SLC39A10: variants seen among roughly 807,000 people sequenced by gnomAD.
The protein encoded by SLC39A10 is zinc transporter ZIP10.
SLC39A10 carries 13 observed loss-of-function variants against 65.1 expected under a neutral mutation model. That is an observed-to-expected ratio of 0.20 (90% CI 0.13 to 0.32). The LOEUF (loss-of-function observed/expected upper bound fraction) is 0.32, where lower values mean the gene tolerates loss of function less well. Ranked by LOEUF, SLC39A10 falls within the 10% of genes least tolerant of loss-of-function variation. The pLI, the probability that SLC39A10 is intolerant of heterozygous loss-of-function variation, is 1.00. For missense variants in SLC39A10, 831 were observed against 1,018.4 expected, an observed-to-expected ratio of 0.82 and a Z score of 2.50; for synonymous variants, 321 against 342.2, an observed-to-expected ratio of 0.94 and a Z score of 0.68.
In SLC39A10 at chr2:195,680,838, G is replaced by T. The variant is rs1249527645; in HGVS notation, c.796G>T (p.Val266Phe). ...DQGEQYEHNR[V>F]HKPDRVHNPG... Reference sequence around the variant, plus strand: ...GGGTGAACAGTATGAGCATAATCGGGTCCACAAACCTGATCGTGTACATAA... The same window carrying T: ...GGGTGAACAGTATGAGCATAATCGGTTCCACAAACCTGATCGTGTACATAA... Residue 266 changes from valine (V) to phenylalanine (F), a missense_variant, in exon 2 of 10, where the codon GTC becomes TTC. Val to Phe is a conservative substitution (Grantham distance 50, BLOSUM62 -1). Around this residue, in one of 4 missense-constraint regions of SLC39A10, gnomAD observed 446 missense variants for 499.2 expected, o/e 0.89. Coordinates refer to ENST00000359634, the MANE Select transcript of SLC39A10 (RefSeq NM_020342.3). 6.2e-7 allele frequency: 1 copy of T among 1,614,072 alleles called. No homozygotes were observed. Among genetic ancestry groups the T allele is most frequent in the Admixed American group, 1.7e-5 (1 of 60,002 alleles).
intron 2 of SLC39A10, among the ~76,000 whole-genome samples, chr2:195,650,686 A>G (rs180836410): frequency 3.3e-5 from 5 of 152,166 alleles, no homozygotes; most frequent in Non-Finnish European, 5.9e-5. Flanking sequence ...TTTTGTGTCA[A>G]TTGTTTCATT....
intron 2 of SLC39A10, among the ~76,000 whole-genome samples, chr2:195,641,050 G>C (rs970601467): frequency 6.6e-6 from 1 of 152,184 alleles, no homozygotes; most frequent in Admixed American, 6.6e-5. Flanking sequence ...ATTGAACAAG[G>C]AACAGTCCCT....
intron 2 of SLC39A10, among the ~76,000 whole-genome samples, chr2:195,613,316 T>C (rs1688139040): frequency 6.6e-6 from 1 of 152,222 alleles, no homozygotes; most frequent in Non-Finnish European, 1.5e-5. Context: ...TTGTCATGTC[T>C]GTGTGCCTTG....
intron 2 of SLC39A10, among the ~76,000 whole-genome samples, chr2:195,619,007 C>T (rs903061066): frequency 5.5e-5 from 8 of 146,278 alleles, no homozygotes; most frequent in South Asian, 4.4e-4. Context: ...GCAGGAGAAT[C>T]GCTTGAACCC....
intron 3 of SLC39A10, among the ~76,000 whole-genome samples, chr2:195,705,537 T>A (rs1434576653): frequency 2.0e-5 from 3 of 152,210 alleles, no homozygotes; most frequent in African/African-American, 7.2e-5. Flanking sequence ...TCTTTACTTT[T>A]CCTTGTTGTT....
intron 1 of SLC39A10, among the ~76,000 whole-genome samples, chr2:195,659,155 G>A (rs1194260998): frequency 6.6e-6 from 1 of 152,056 alleles, no homozygotes; most frequent in Non-Finnish European, 1.5e-5. Context: ...TTTTTTACCT[G>A]TCCATATTTA....
At chr2:195,706,900 T>G in intron 4 of SLC39A10, 115 bp downstream of exon 4, 1 of 683,502 alleles carries the variant, frequency 1.5e-6, no homozygotes, top group Non-Finnish European at 2.1e-6. Flanking sequence ...TTTTATTTGC[T>G]TATAGGATGA....
At position 195,735,965 on chromosome 2, in the gene SLC39A10, G is replaced by A. The variant is rs564415325; in HGVS notation, c.*924G>A. ...AGTACCAACTAGTTAATTGGGAAAT[G>A]TAAGTTCTGAATGTTCACATTGCTT... On this transcript the variant is annotated 3_prime_UTR_variant, in exon 10 of 10. Coordinates refer to ENST00000359634, the MANE Select transcript of SLC39A10 (RefSeq NM_020342.3). 6.6e-6 allele frequency: 1 copy of A among 152,390 alleles called. No individual in the cohort carries two copies. The highest frequency in any genetic ancestry group is 2.4e-5 in the African/African-American group (1 of 41,538). 9.4% of individuals were successfully genotyped at this position (152,390 alleles called of 1,614,324 possible).
In SLC39A10 at chr2:195,728,101, C is replaced by A; in HGVS notation, c.2147-58C>A. ...GCTGATTTTATTTGTTTTCTCCTTTCAGATTTGTGTTTTAAATCCTGTGGT... is the reference window on the plus strand; with the variant it reads ...GCTGATTTTATTTGTTTTCTCCTTTAAGATTTGTGTTTTAAATCCTGTGGT... On this transcript the variant is annotated intron_variant, in intron 8 of 9. Coordinates refer to ENST00000359634, the MANE Select transcript of SLC39A10 (RefSeq NM_020342.3). The surrounding 1 kb of genome is among the most constrained non-coding windows in gnomAD (Gnocchi z 4.4). 1 of 1,467,404 alleles carries A rather than the reference C, an allele frequency of 6.8e-7. No individual in the cohort carries two copies. The highest frequency in any genetic ancestry group is 9.3e-7 in the Non-Finnish European group (1 of 1,071,848). 90.9% of individuals were successfully genotyped at this position (1,467,404 alleles called of 1,614,324 possible).
At chr2:195,654,884 A>T (rs1689114695), upstream of SLC39A10, among the ~76,000 whole-genome samples, 1 of 47,312 alleles carries the variant, frequency 2.1e-5, no homozygotes, top group African/African-American at 8.8e-5. Flanking sequence ...GAAAAGTAAT[A>T]TGCTAGTATG....
At chr2:195,665,709 T>C (rs1689609452) in intron 1 of SLC39A10, among the ~76,000 whole-genome samples, 1 of 152,214 alleles carries the variant, frequency 6.6e-6, no homozygotes, top group Non-Finnish European at 1.5e-5. Context: ...ATATTCTGCC[T>C]AGAGAGATAA....
Position 195,680,931 on chromosome 2 carries a change from C to G in SLC39A10, c.889C>G (p.Leu297Val). The change falls in exon 2 of 10, where the codon CTT (leucine) becomes GTT (valine). Residue 297 changes from leucine to valine, a missense_variant. Physicochemically the swap from Leu to Val is conservative, Grantham distance 32. Around this residue, in one of 4 missense-constraint regions of SLC39A10, gnomAD observed 446 missense variants for 499.2 expected, o/e 0.89. Coordinates refer to ENST00000359634, the MANE Select transcript of SLC39A10 (RefSeq NM_020342.3). ...TGATCCTGGTCGTGGACACCAAGAT[C>G]TTGATCCTGATAATGAAGGTGAACT... The part of the protein sequence containing the change: ...GHDPGRGHQD[L>V]DPDNEGELRH... 1.2e-6 allele frequency: 2 copies of G among 1,614,082 alleles called. No individual in the cohort carries two copies. The highest frequency in any genetic ancestry group is 1.7e-6 in the Non-Finnish European group (2 of 1,180,010).
At chr2:195,632,175 G>A (rs773415043) in intron 2 of SLC39A10, among the ~76,000 whole-genome samples, 17 of 151,176 alleles carry the variant, frequency 1.1e-4, no homozygotes, top group Non-Finnish European at 2.4e-4. Context: ...TTATAAGCAT[G>A]AGCCACCACA....
rs149086362 is a variant in SLC39A10 at position 195,706,773 on chromosome 2, T to C, written c.1374T>C (p.His458=). ...CAATGAGTGGAGACGCCCTTCTTCA[T>C]CTACTGCCCCATGTAAGAAATGTTT... ...VGTMSGDALL[H]LLPHSQGGHD... Residue 458 remains histidine, a synonymous_variant, in exon 4 of 10, where the codon CAT becomes CAC. Transcript: ENST00000359634. 1.3e-4 allele frequency: 197 copies of C among 1,535,256 alleles called. No homozygotes were observed. Among genetic ancestry groups the C allele is most frequent in the Non-Finnish European group, 1.7e-4 (191 of 1,147,896 alleles).
At chr2:195,625,504 G>C (rs1351307250) in intron 2 of SLC39A10, among the ~76,000 whole-genome samples, 2 of 151,624 alleles carry the variant, frequency 1.3e-5, no homozygotes, top group African/African-American at 4.8e-5. Flanking sequence ...CTCGAACTCC[G>C]GACCTCAGGT....
In SLC39A10 at chr2:195,683,852, A is replaced by G; in HGVS notation, c.1162A>G (p.Ile388Val). The G allele has an allele frequency of 6.2e-7, 1 of 1,613,300 alleles. No individual in the cohort carries two copies. The highest frequency in any genetic ancestry group is 2.2e-5 in the East Asian group (1 of 44,782). Residue 388 changes from isoleucine (I) to valine (V), a missense_variant, in exon 3 of 10, where the codon ATA (isoleucine) becomes GTA (valine). This residue lies in a region of SLC39A10 where 446 missense variants were observed against 499.2 expected (regional missense o/e 0.89). Coordinates refer to ENST00000359634, the MANE Select transcript of SLC39A10 (RefSeq NM_020342.3). ...EHFDKLLVEDINKDKNLVPED... is the reference protein window; with the variant it reads ...EHFDKLLVEDVNKDKNLVPED... The stretch of plus-strand genomic sequence containing the variant: ...TTTTGACAAACTTTTAGTTGAAGAT[A>G]TAAATAAGGATAAAAACCTGGTTCC...
rs557922774 is a variant in SLC39A10 at position 195,639,327 on chromosome 2, G to A, written c.-12+33094G>A. On this transcript the variant is annotated intron_variant, in intron 2 of 2. Coordinates refer to the SLC39A10 transcript ENST00000458054. ...TGATGTTTTTCTCATGATCAGACTG[G>A]GGTTAAGAGTTTTGAGGAGGAAGAC... Among the ~76,000 whole-genome samples the A allele has an allele frequency of 1.4e-3, 218 of 152,256 alleles. 1 individual carries two copies. The highest frequency in any genetic ancestry group is 5.1e-3 in the African/African-American group (213 of 41,550).
intron 5 of SLC39A10, among the ~76,000 whole-genome samples, chr2:195,710,651 G>A (rs959073067): frequency 1.3e-5 from 2 of 152,006 alleles, no homozygotes; most frequent in Non-Finnish European, 2.9e-5. Context: ...CTGTATTTTC[G>A]TATCTTATTT....
At chr2:195,699,386 T>C (rs537655974) in intron 3 of SLC39A10, among the ~76,000 whole-genome samples, 1 of 100,400 alleles carries the variant, frequency 1.0e-5, no homozygotes, top group East Asian at 2.8e-4. Flanking sequence ...AAGTTTTTGG[T>C]TTGAGATCTT....
Sources: gnomAD v4.1 joint callset for allele counts (sites outside exome capture counted in the v4.1 genomes callset) on GRCh38, gnomAD v4.1.1 for gene constraint, gnomAD v4.1.1 regional missense constraint, Gnocchi (gnomAD v3.1) non-coding constraint, MANE v1.5 for transcripts, NCBI Gene and HGNC (gene_info 2026-07-23, HGNC 2026-07-21) for gene names.